The following SUGT1 variants were observed in gnomAD, a reference collection of about 807,000 sequenced individuals.
The protein encoded by SUGT1 is SGT1 assembly cochaperone of MIS12 kinetochore complex, also known as protein SGT1 homolog.
SUGT1 carries 15 observed loss-of-function variants against 56.1 expected under a neutral mutation model. That is an observed-to-expected ratio of 0.27 (90% CI 0.18 to 0.41). The LOEUF is 0.41. SUGT1 is among the 10% of genes least tolerant of loss of function. The pLI, the probability that SUGT1 is intolerant of heterozygous loss-of-function variation, is 1.00. For missense variants in SUGT1, 347 were observed against 382.2 expected (o/e 0.91, Z 0.77); for synonymous variants, 123 against 128.6 (o/e 0.96, Z 0.30).
rs1383745442 is a variant in SUGT1 at position 52,687,949 on chromosome 13, T to G, written c.*114T>G. 1.7e-6 allele frequency: 1 copy of G among 600,522 alleles called. No individual in the cohort carries two copies. Among genetic ancestry groups the G allele is most frequent in the African/African-American group, 1.9e-5 (1 of 52,132 alleles). 37.2% of individuals were successfully genotyped at this position (600,522 alleles called of 1,614,324 possible). ...TATCTTTTTGAAAGATTATACTTCT[T>G]TACCTCTTTGTGCTTTAGAAATTAT... On this transcript the variant is annotated 3_prime_UTR_variant, in exon 13 of 13. Coordinates refer to ENST00000310528, the MANE Select transcript of SUGT1 (RefSeq NM_006704.5).
At position 52,652,837 on chromosome 13, in the gene SUGT1, T is replaced by G; in HGVS notation, c.-84T>G. 6.4e-7 allele frequency: 1 copy of G among 1,556,468 alleles called. No individual in the cohort carries two copies. Among genetic ancestry groups the G allele is most frequent in the Non-Finnish European group, 8.7e-7 (1 of 1,148,426 alleles). ...AGGACGGAAGCTCGGTTGGTGTTTCTCCAGAAGTTTCCCCCTTGGGCGGTG... is the reference window on the plus strand; with the variant it reads ...AGGACGGAAGCTCGGTTGGTGTTTCGCCAGAAGTTTCCCCCTTGGGCGGTG... On this transcript the variant is annotated 5_prime_UTR_variant, in exon 1 of 13. Transcript: ENST00000310528.
At chr13:52,653,301 T>C (rs1962001392) in intron 2 of SUGT1, among the ~76,000 whole-genome samples, 198 bp downstream of exon 2, 1 of 152,160 alleles carries the variant, frequency 6.6e-6, no homozygotes, top group Non-Finnish European at 1.5e-5. Context: ...ACTCCTGTCT[T>C]GCCCTTTCCA....
intron 5 of SUGT1, among the ~76,000 whole-genome samples, chr13:52,659,581 A>G (rs1490662432): frequency 6.6e-6 from 1 of 151,916 alleles, no homozygotes; most frequent in East Asian, 1.9e-4. Flanking sequence ...TGTTCATTTT[A>G]AATTATTCAG....
At chr13:52,679,250 G>C (rs547351547) in intron 11 of SUGT1, among the ~76,000 whole-genome samples, 1 of 152,286 alleles carries the variant, frequency 6.6e-6, no homozygotes, top group East Asian at 1.9e-4. Flanking sequence ...AATCTTGGCA[G>C]TACCCCGAGC....
intron 12 of SUGT1, among the ~76,000 whole-genome samples, chr13:52,680,675 CAT>C (rs1322837984): frequency 9.2e-5 from 14 of 152,248 alleles, no homozygotes; most frequent in Non-Finnish European, 1.5e-4. Context: ...CAGTTGTAAT[CAT>C]GTGACTTTTA....
At chr13:52,659,129 T>C in intron 4 of SUGT1, 50 bp from the exon 5 acceptor site, 1 of 1,417,524 alleles carries the variant, frequency 7.1e-7, no homozygotes, top group Non-Finnish European at 9.5e-7. Context: ...AAAGAAGGTA[T>C]TTTCCAGATT....
At position 52,696,914 on chromosome 13, in the gene SUGT1, C is replaced by CTTT. The variant is rs60107053; in HGVS notation, c.*9097_*9099dup. The CTTT allele has an allele frequency of 4.6e-5, 5 of 108,786 alleles. No homozygotes were observed. The highest frequency in any genetic ancestry group is 3.1e-4 in the South Asian group (1 of 3,230). 6.7% of individuals were successfully genotyped at this position (108,786 alleles called of 1,614,324 possible). ...TCAAAACCAGTGTGATATCCAAGTA[C>CTTT]TTTTTTTTTTTTTTTTTTTTGCTAT... On this transcript the variant is annotated 3_prime_UTR_variant, in exon 13 of 13. Coordinates refer to ENST00000310528, the MANE Select transcript of SUGT1 (RefSeq NM_006704.5).
At chr13:52,669,911 T>G (rs1409316073) in intron 10 of SUGT1, among the ~76,000 whole-genome samples, 2 of 152,206 alleles carry the variant, frequency 1.3e-5, no homozygotes, top group Non-Finnish European at 2.9e-5. Context: ...TGAGGCTTAC[T>G]TCGTGGACAC....
At chr13:52,670,677 G>A (rs747935357) in intron 10 of SUGT1, among the ~76,000 whole-genome samples, 1 of 152,110 alleles carries the variant, frequency 6.6e-6, no homozygotes, top group Non-Finnish European at 1.5e-5. Context: ...ACGTGGTGAC[G>A]GGTGCCTGTA....
chr13:52,676,231 T>C lies in SUGT1; in HGVS notation c.629T>C (p.Ile210Thr), dbSNP rs746629248. The C allele has an allele frequency of 1.9e-6, 3 of 1,610,138 alleles. No homozygotes were observed. The highest frequency in any genetic ancestry group is 1.7e-5 in the Admixed American group (1 of 59,256). ...QSTFKVLSTK[I>T]EIKLKKPEAV... ...GAGTTTATTTGGTGTTTCCTCCAGA[T>C]TGAAATTAAACTGAAAAAGCCAGAG... The change falls in exon 11 of 13, where the codon ATT (isoleucine) becomes ACT (threonine). Residue 210 changes from isoleucine (I) to threonine (T), a missense_variant and splice_region_variant. By Grantham distance (89) the Ile-to-Thr change is moderately conservative. Coordinates refer to ENST00000310528, the MANE Select transcript of SUGT1 (RefSeq NM_006704.5).
At position 52,695,686 on chromosome 13, in the gene SUGT1, G is replaced by C. The variant is rs1963909294; in HGVS notation, c.*7851G>C. ...GCCAAAATTTTTGGCCACATCTCTT[G>C]TCACTGCTTTGCTGTGTACTAAAGC... On this transcript the variant is annotated 3_prime_UTR_variant, in exon 13 of 13. Coordinates refer to ENST00000310528, the MANE Select transcript of SUGT1 (RefSeq NM_006704.5). 6.6e-6 allele frequency: 1 copy of C among 152,144 alleles called. No individual in the cohort carries two copies. The highest frequency in any genetic ancestry group is 2.1e-4 in the South Asian group (1 of 4,828). The allele number at this position is 152,144 out of a possible 1,614,324, so 9.4% of individuals were successfully genotyped here.
In SUGT1 at chr13:52,687,769, G is replaced by T. The variant is rs772056097; in HGVS notation, c.936G>T (p.Trp312Cys). ...ESGGTVLSTN[W>C]SDVGKRKVEI... ...GTGGTACAGTTTTGAGTACCAACTG[G>T]TCTGATGTAGGTAAAAGGAAAGTTG... The change falls in exon 13 of 13, where the codon TGG becomes TGT. Residue 312 changes from tryptophan to cysteine, a missense_variant. By Grantham distance (215) the Trp-to-Cys change is radical. Coordinates refer to ENST00000310528, the MANE Select transcript of SUGT1 (RefSeq NM_006704.5). 1.2e-6 allele frequency: 2 copies of T among 1,602,148 alleles called. No individual in the cohort carries two copies. The highest frequency in any genetic ancestry group is 8.5e-7 in the Non-Finnish European group (1 of 1,175,490).
In SUGT1 at chr13:52,688,091, T is replaced by G. The variant is rs1375293300; in HGVS notation, c.*256T>G. Reference sequence around the variant, plus strand: ...AGCATGTCATTTGCTCCTAGATAGATTCATTCTATCTAGTTGTGGGGATGG... The same window carrying G: ...AGCATGTCATTTGCTCCTAGATAGAGTCATTCTATCTAGTTGTGGGGATGG... On this transcript the variant is annotated 3_prime_UTR_variant, in exon 13 of 13. Coordinates refer to ENST00000310528, the MANE Select transcript of SUGT1 (RefSeq NM_006704.5). The G allele has an allele frequency of 4.4e-6, 1 of 228,732 alleles. No homozygotes were observed. Among genetic ancestry groups the G allele is most frequent in the Non-Finnish European group, 8.5e-6 (1 of 118,016 alleles). 14.2% of individuals were successfully genotyped at this position (228,732 alleles called of 1,614,324 possible).
In SUGT1 at chr13:52,699,890, G is replaced by A. The variant is rs748521455; in HGVS notation, c.*12055G>A. ...GCAATGCTAGTAAAAAGTATATAGA[G>A]GTATGTCTTTCACACTATCTTGTTA... On this transcript the variant is annotated 3_prime_UTR_variant, in exon 13 of 13. Coordinates refer to ENST00000310528, the MANE Select transcript of SUGT1 (RefSeq NM_006704.5). 4.6e-5 allele frequency: 7 copies of A among 152,076 alleles called. No homozygotes were observed. The highest frequency in any genetic ancestry group is 8.8e-5 in the Non-Finnish European group (6 of 67,998). The allele number at this position is 152,076 out of a possible 1,614,324, so 9.4% of individuals were successfully genotyped here.
chr13:52,660,825 G>A lies in SUGT1; in HGVS notation c.328+1576G>A, dbSNP rs572909623. On this transcript the variant is annotated intron_variant, in intron 5 of 12. Transcript: ENST00000310528. ...TTTCATTTTTCTTTCTTTTTTTAGC[G>A]AGAGAAGGTCTCGCTCTGTCGCCCA... is the stretch of plus-strand genomic sequence containing the variant. Among the ~76,000 whole-genome samples the A allele has an allele frequency of 2.0e-4, 31 of 152,010 alleles. No homozygotes were observed. The South Asian group carries it at 5.2e-3, about 26-fold the overall frequency.
At chr13:52,680,515 G>GA (rs1242675532) in intron 12 of SUGT1, among the ~76,000 whole-genome samples, 1 of 152,146 alleles carries the variant, frequency 6.6e-6, no homozygotes, top group Non-Finnish European at 1.5e-5. Context: ...AAACTTTTCA[G>GA]AATAGTGTTT....
chr13:52,655,548 G>T (rs1425507609), intron 2 of SUGT1, among the ~76,000 whole-genome samples: 2 of 152,190 alleles, frequency 1.3e-5, no homozygotes, highest in Admixed American at 1.3e-4. Context: ...ATATTTGCAT[G>T]TAGGGCAGTG....
chr13:52,675,530 T>C (rs957301588), intron 10 of SUGT1, among the ~76,000 whole-genome samples: 90 of 152,240 alleles, frequency 5.9e-4, no homozygotes, highest in African/African-American at 2.1e-3. Context: ...TGAGCTATGA[T>C]CCTTCTACTG....
chr13:52,678,855 T>TA (rs1963256326), intron 11 of SUGT1, among the ~76,000 whole-genome samples: 1 of 151,482 alleles, frequency 6.6e-6, no homozygotes, highest in African/African-American at 2.4e-5. Flanking sequence ...TTATTATTAT[T>TA]TTTTTTTCAT....
Sources: allele counts gnomAD v4.1 joint callset (sites outside exome capture counted in the v4.1 genomes callset), GRCh38; gene constraint gnomAD v4.1.1; transcripts MANE v1.5; gene names NCBI Gene and HGNC (gene_info 2026-07-23, HGNC 2026-07-21).